NPAS2: variants seen among roughly 807,000 people sequenced by gnomAD.
NPAS2 encodes the protein neuronal PAS domain-containing protein 2.
NPAS2 carries 23 observed loss-of-function variants against 107.5 expected under a neutral mutation model. The ratio of observed to expected loss-of-function variants is 0.21; its 90% CI spans 0.15 to 0.30. The LOEUF (loss-of-function observed/expected upper bound fraction) is 0.30. Ranked by LOEUF, NPAS2 falls within the 10% of genes least tolerant of loss-of-function variation. The pLI, the probability that NPAS2 is intolerant of heterozygous loss-of-function variation, is 1.00. For synonymous variants in NPAS2, 403 were observed against 417.5 expected, an observed-to-expected ratio of 0.97 and a Z score of 0.42; for missense variants, 756 against 1,043.3, an observed-to-expected ratio of 0.72 and a Z score of 3.79.
intron 1 of NPAS2, among the ~76,000 whole-genome samples, chr2:100,896,817 C>A (rs1313204230): frequency 6.6e-6 from 1 of 152,074 alleles, no homozygotes; most frequent in Non-Finnish European, 1.5e-5. Context: ...TCCTTCCTTT[C>A]CTCCCTCCCT....
intron 7 of NPAS2, 43 bp downstream of exon 7, chr2:100,949,523 A>T: frequency 8.6e-7 from 1 of 1,164,134 alleles, no homozygotes; most frequent in South Asian, 1.2e-5. Flanking sequence ...GTCTTTTCTC[A>T]TGCAAACGTG....
intron 1 of NPAS2, among the ~76,000 whole-genome samples, chr2:100,829,488 T>C (rs939077023): frequency 6.6e-6 from 1 of 152,202 alleles, no homozygotes; most frequent in Non-Finnish European, 1.5e-5. Flanking sequence ...ATGCTACTAA[T>C]TTTTGCACAT....
intron 1 of NPAS2, among the ~76,000 whole-genome samples, chr2:100,865,523 G>GAC (rs1679197398): frequency 6.6e-6 from 1 of 152,130 alleles, no homozygotes; most frequent in Non-Finnish European, 1.5e-5. Context: ...TACTTTGTAG[G>GAC]ACACCTTTGC....
intron 1 of NPAS2, among the ~76,000 whole-genome samples, chr2:100,824,426 T>G (rs1328180520): frequency 2.0e-5 from 3 of 152,210 alleles, no homozygotes; most frequent in Non-Finnish European, 2.9e-5. Flanking sequence ...TGATCAAGAC[T>G]GCTAGTGGCA....
At chr2:100,902,186 G>A (rs1014405530) in intron 1 of NPAS2, among the ~76,000 whole-genome samples, 12 of 152,114 alleles carry the variant, frequency 7.9e-5, no homozygotes, top group African/African-American at 2.9e-4. Context: ...TCAGAGGACT[G>A]CTTTTCTTCC....
At chr2:100,865,821 C>T (rs915547247) in intron 1 of NPAS2, among the ~76,000 whole-genome samples, 1 of 152,190 alleles carries the variant, frequency 6.6e-6, no homozygotes, top group Non-Finnish European at 1.5e-5. Context: ...ACCATACTCT[C>T]TAAGTTCTGG....
At chr2:100,821,855 C>T (rs536624795) in intron 1 of NPAS2, among the ~76,000 whole-genome samples, 1 of 152,304 alleles carries the variant, frequency 6.6e-6, no homozygotes, top group African/African-American at 2.4e-5. Context: ...CTGACCTGCG[C>T]CACTATTTTA....
intron 7 of NPAS2, among the ~76,000 whole-genome samples, chr2:100,961,725 A>G (rs1371977168): frequency 6.6e-6 from 1 of 152,156 alleles, no homozygotes; most frequent in Non-Finnish European, 1.5e-5. Context: ...CCACTTCACA[A>G]TCTTTTTCTG....
intron 3 of NPAS2, among the ~76,000 whole-genome samples, chr2:100,931,560 C>T (rs773866068): frequency 4.8e-5 from 7 of 145,886 alleles, no homozygotes; most frequent in Non-Finnish European, 1.0e-4. Context: ...GATCTTGGCT[C>T]ACTGCAAGCT....
intron 1 of NPAS2, among the ~76,000 whole-genome samples, chr2:100,863,820 C>T (rs974603692): frequency 6.6e-6 from 1 of 152,086 alleles, no homozygotes; most frequent in Non-Finnish European, 1.5e-5. Flanking sequence ...ATTTATATAG[C>T]CCTCCTTGCA....
intron 7 of NPAS2, 49 bp from the exon 8 acceptor site, chr2:100,964,009 G>A (rs771664800): frequency 1.6e-6 from 2 of 1,234,110 alleles, no homozygotes; most frequent in Admixed American, 1.7e-5. Flanking sequence ...ATTGGCTGCT[G>A]TCACCAGACA....
At chr2:100,893,028 A>G (rs1405011592) in intron 1 of NPAS2, among the ~76,000 whole-genome samples, 1 of 152,122 alleles carries the variant, frequency 6.6e-6, no homozygotes, top group African/African-American at 2.4e-5. Flanking sequence ...TTAGAAATTT[A>G]TCTTTTCTCA....
chr2:100,973,620 A>G (rs1285385364), intron 12 of NPAS2, among the ~76,000 whole-genome samples: 1 of 152,140 alleles, frequency 6.6e-6, no homozygotes, highest in Non-Finnish European at 1.5e-5. Context: ...TAGGTGTACA[A>G]TATCCACCCC....
Position 100,968,468 on chromosome 2 carries a change from C to T in NPAS2, c.1055+40C>T, listed in dbSNP as rs1336997603. On this transcript the variant is annotated intron_variant, in intron 11 of 20. Coordinates refer to ENST00000335681, the MANE Select transcript of NPAS2 (RefSeq NM_002518.4). This position sits in a 1 kb window ranked among gnomAD's most constrained non-coding sequence, Gnocchi z 5.3. ...CAGGGGTGCGGCTGCGTCCTTGTCG[C>T]ACCTGGGGGAGGGGTGCAGGATGGC... 4 of 1,599,660 alleles carry T rather than the reference C, an allele frequency of 2.5e-6. No homozygotes were observed. Among genetic ancestry groups the T allele is most frequent in the Admixed American group, 3.4e-5 (2 of 59,466 alleles).
chr2:100,868,858 T>G (rs1332456391), intron 1 of NPAS2, among the ~76,000 whole-genome samples: 1 of 152,226 alleles, frequency 6.6e-6, no homozygotes, highest in African/African-American at 2.4e-5. Flanking sequence ...GTCTTCATTT[T>G]CTAAAAATAA....
chr2:100,850,540 GT>G (rs1327226230), intron 1 of NPAS2, among the ~76,000 whole-genome samples: 1 of 152,142 alleles, frequency 6.6e-6, no homozygotes, highest in African/African-American at 2.4e-5. Flanking sequence ...TACATCCAAG[GT>G]TCATACCAAC....
intron 15 of NPAS2, among the ~76,000 whole-genome samples, chr2:100,979,287 C>T (rs1558934948): frequency 1.3e-5 from 2 of 151,572 alleles, no homozygotes; most frequent in Non-Finnish European, 2.9e-5. Context: ...TTTCCAAGGC[C>T]TATTTGGTAA....
intron 7 of NPAS2, among the ~76,000 whole-genome samples, chr2:100,951,304 T>A (rs1207876510): frequency 6.6e-6 from 1 of 152,104 alleles, no homozygotes; most frequent in Non-Finnish European, 1.5e-5. Context: ...AACATAGAAC[T>A]AGCATATGAT....
intron 12 of NPAS2, among the ~76,000 whole-genome samples, chr2:100,972,430 C>A (rs966665838): frequency 6.6e-6 from 1 of 152,232 alleles, no homozygotes; most frequent in African/African-American, 2.4e-5. Flanking sequence ...GACTGCGAAT[C>A]CAGAGCCTTG....
Sources: allele counts gnomAD v4.1 joint callset (sites outside exome capture counted in the v4.1 genomes callset), GRCh38; gene constraint gnomAD v4.1.1; non-coding constraint Gnocchi (gnomAD v3.1); transcripts MANE v1.5; gene names NCBI Gene and HGNC (gene_info 2026-07-23, HGNC 2026-07-21).